Variants in PPP1CB observed in about 807,000 individuals in gnomAD.
PPP1CB encodes the protein protein phosphatase 1 catalytic subunit beta.
In PPP1CB, 2 loss-of-function variants were observed where a neutral mutation model predicts 43.7. That is an observed-to-expected ratio of 0.05 (90% CI 0.02 to 0.14). PPP1CB has a LOEUF of 0.14. Among genes scored for constraint, PPP1CB ranks in the 10% least tolerant of loss-of-function variants. The pLI, the probability that PPP1CB is intolerant of heterozygous loss-of-function variation, is 1.00. For missense variants in PPP1CB, 84 were observed against 398.0 expected, an observed-to-expected ratio of 0.21 and a Z score of 6.71; for synonymous variants, 136 against 135.6, an observed-to-expected ratio of 1.00 and a Z score of -0.02.
At chr2:28,758,558 A>G (rs1490557303) in intron 1 of PPP1CB, among the ~76,000 whole-genome samples, 1 of 152,220 alleles carries the variant, frequency 6.6e-6, no homozygotes, top group Non-Finnish European at 1.5e-5. Context: ...GCAGCTTTAA[A>G]TAGCCATTTC....
At chr2:28,798,019 C>T (rs931300852) in intron 7 of PPP1CB, among the ~76,000 whole-genome samples, 5 of 152,112 alleles carry the variant, frequency 3.3e-5, no homozygotes, top group South Asian at 4.1e-4. Context: ...GTTGATTGCT[C>T]ATTTACAAAT....
At chr2:28,777,826 G>A (rs1442346939) in intron 2 of PPP1CB, among the ~76,000 whole-genome samples, 1 of 152,118 alleles carries the variant, frequency 6.6e-6, no homozygotes, top group African/African-American at 2.4e-5. Context: ...CTGACTTTTT[G>A]TATTTTTAGT....
chr2:28,783,803 T>C (rs772116143), intron 4 of PPP1CB, 104 bp from the exon 5 acceptor site: 1 of 771,182 alleles, frequency 1.3e-6, no homozygotes, highest in Non-Finnish European at 2.1e-6. Flanking sequence ...GTATCTTTAA[T>C]TTCACATAGT....
At chr2:28,798,214 A>G (rs1433374468) in intron 7 of PPP1CB, among the ~76,000 whole-genome samples, 1 of 152,120 alleles carries the variant, frequency 6.6e-6, no homozygotes, top group South Asian at 2.1e-4. Context: ...TTAAAGCTCT[A>G]TTTACATCCA....
intron 1 of PPP1CB, among the ~76,000 whole-genome samples, chr2:28,771,513 T>C (rs1299764140): frequency 6.6e-6 from 1 of 152,136 alleles, no homozygotes; most frequent in Non-Finnish European, 1.5e-5. Flanking sequence ...ATTAAGACAT[T>C]GTGGTATTGA....
At chr2:28,754,337 T>G (rs901461135) in intron 1 of PPP1CB, among the ~76,000 whole-genome samples, 8 of 1,578 alleles carry the variant, frequency 5.1e-3, no homozygotes, top group Non-Finnish European at 0.013. Context: ...TTTCCTTTTT[T>G]GGGGGGGCGG....
chr2:28,777,103 A>G (rs903880697), intron 2 of PPP1CB, 121 bp downstream of exon 2: 24 of 1,023,588 alleles, frequency 2.3e-5, no homozygotes, highest in Admixed American at 7.4e-5. Context: ...GGCTTTACTA[A>G]ATAAAAGTGT....
intron 1 of PPP1CB, 85 bp from the exon 2 acceptor site, chr2:28,776,766 T>C: frequency 4.5e-6 from 6 of 1,340,062 alleles, no homozygotes; most frequent in Non-Finnish European, 6.1e-6. Context: ...ACTTTTCTGA[T>C]TTTTAAAGTA....
chr2:28,763,655 G>A (rs1666711100), intron 1 of PPP1CB, among the ~76,000 whole-genome samples: 1 of 152,122 alleles, frequency 6.6e-6, no homozygotes, highest in South Asian at 2.1e-4. Context: ...CAGACAATTT[G>A]TGGTACTATA....
In PPP1CB at chr2:28,802,220, T is replaced by G. The variant is rs576878892; in HGVS notation, c.*2917T>G. On this transcript the variant is annotated 3_prime_UTR_variant, in exon 8 of 8. Transcript: ENST00000395366. ...TCTCAAGAATATAAAGATGTATTAT[T>G]TTAAGCCAAGGAGCTGAAATATATC... 4 of 152,336 alleles carry G rather than the reference T, an allele frequency of 2.6e-5. No homozygotes were observed. The highest frequency in any genetic ancestry group is 9.6e-5 in the African/African-American group (4 of 41,574). The allele number at this position is 152,336 out of a possible 1,614,324, so 9.4% of individuals were successfully genotyped here. A position where few individuals can be genotyped will look rare whatever the true frequency, so the allele number is the denominator to read the frequency against.
chr2:28,790,212 C>G (rs1205518104), intron 6 of PPP1CB, among the ~76,000 whole-genome samples: 10 of 152,106 alleles, frequency 6.6e-5, no homozygotes, highest in Admixed American at 6.5e-4. Flanking sequence ...GCTCAGGAGG[C>G]AGAGGTTGCA....
At chr2:28,783,760 A>C (rs1667204719) in intron 4 of PPP1CB, 147 bp from the exon 5 acceptor site, 1 of 582,326 alleles carries the variant, frequency 1.7e-6, no homozygotes, top group East Asian at 3.0e-5. Flanking sequence ...CTGTCTCGAA[A>C]AAAAAAAAAG....
At chr2:28,783,410 T>C (rs372696560) in intron 4 of PPP1CB, among the ~76,000 whole-genome samples, 1 of 152,150 alleles carries the variant, frequency 6.6e-6, no homozygotes, top group Admixed American at 6.5e-5. Context: ...AAAACAATTA[T>C]AATGCTGTAT....
chr2:28,799,051 C>G, intron 7 of PPP1CB, 148 bp from the exon 8 acceptor site: 1 of 603,706 alleles, frequency 1.7e-6, no homozygotes, highest in Non-Finnish European at 3.0e-6. Flanking sequence ...CATTTGCACA[C>G]TTTAAGAAAT....
chr2:28,796,227 C>T (rs1395131773), intron 7 of PPP1CB, among the ~76,000 whole-genome samples: 4 of 151,978 alleles, frequency 2.6e-5, no homozygotes, highest in African/African-American at 4.8e-5. Flanking sequence ...GGTAGTGTGA[C>T]GCTTCTGGCT....
At chr2:28,794,236 A>C (rs1667448293) in intron 7 of PPP1CB, among the ~76,000 whole-genome samples, 1 of 152,218 alleles carries the variant, frequency 6.6e-6, no homozygotes, top group African/African-American at 2.4e-5. Flanking sequence ...TTCTTGATTC[A>C]GATGTTTTAA....
intron 5 of PPP1CB, among the ~76,000 whole-genome samples, chr2:28,784,382 T>C (rs1193599960): frequency 6.6e-6 from 1 of 152,222 alleles, no homozygotes; most frequent in Non-Finnish European, 1.5e-5. Context: ...TTCAAATGTC[T>C]AGTAGTTTTT....
At chr2:28,774,285 CTTG>C (rs959746527) in intron 1 of PPP1CB, among the ~76,000 whole-genome samples, 2 of 152,186 alleles carry the variant, frequency 1.3e-5, no homozygotes, top group Non-Finnish European at 2.9e-5. Context: ...TACTGTTCTT[CTTG>C]TTCATTGCTG....
At chr2:28,780,084 C>CTTTTTTTTTTTTTT (rs10559224) in intron 3 of PPP1CB, among the ~76,000 whole-genome samples, 35 of 131,812 alleles carry the variant, frequency 2.7e-4, no homozygotes, top group East Asian at 5.1e-4. Flanking sequence ...TCTTTTCTTT[C>CTTTTTTTTTTTTTT]TTTTTTTTTT....
Sources: gnomAD v4.1 joint callset for allele counts (sites outside exome capture counted in the v4.1 genomes callset) on GRCh38, gnomAD v4.1.1 for gene constraint, MANE v1.5 for transcripts, NCBI Gene and HGNC (gene_info 2026-07-23, HGNC 2026-07-21) for gene names.